Variants in PDE10A observed in about 807,000 individuals in gnomAD.
PDE10A encodes phosphodiesterase 10A.
A neutral mutation model predicts 97.7 loss-of-function variants in PDE10A; 39 were observed. That is an observed-to-expected ratio of 0.40 (90% CI 0.31 to 0.52). The LOEUF is 0.52. Among genes scored for constraint, PDE10A ranks in the 20% least tolerant of loss-of-function variants. The pLI is 0.56. For missense variants in PDE10A, 731 were observed against 1,047.8 expected, an observed-to-expected ratio of 0.70 and a Z score of 4.17; for synonymous variants, 371 against 376.8, an observed-to-expected ratio of 0.98 and a Z score of 0.18.
At chr6:165,374,093 G>A (rs1388131239) in intron 18 of PDE10A, among the ~76,000 whole-genome samples, 1 of 107,022 alleles carries the variant, frequency 9.3e-6, no homozygotes, top group Non-Finnish European at 1.8e-5. Context: ...GGTGGGGGGA[G>A]GGGGGAGGGA....
chr6:165,459,522 T>TAGATAGACAGAC (rs1218763848), intron 3 of PDE10A, among the ~76,000 whole-genome samples: 2 of 106,118 alleles, frequency 1.9e-5, no homozygotes, highest in Non-Finnish European at 2.2e-5. Context: ...GATAGATAGA[T>TAGATAGACAGAC]AGACAGACAG....
At chr6:165,825,218 C>A (rs377490384) in intron 1 of PDE10A, among the ~76,000 whole-genome samples, 1 of 151,726 alleles carries the variant, frequency 6.6e-6, no homozygotes, top group African/African-American at 2.4e-5. Context: ...GGTGAGCTCC[C>A]GTTCCTGATG....
At chr6:165,665,951 G>A (rs1462215935), upstream of PDE10A, among the ~76,000 whole-genome samples, 1 of 152,076 alleles carries the variant, frequency 6.6e-6, no homozygotes, top group African/African-American at 2.4e-5. Flanking sequence ...TAGTATTTAT[G>A]CCTCACATTT....
intron 2 of PDE10A, among the ~76,000 whole-genome samples, chr6:165,509,396 A>C (rs1436568543): frequency 1.3e-5 from 2 of 151,946 alleles, no homozygotes; most frequent in Non-Finnish European, 2.9e-5. Flanking sequence ...GGCTATAAAC[A>C]TGTGAAATTA....
chr6:165,724,818 T>C (rs80013493), intron 1 of PDE10A, among the ~76,000 whole-genome samples: 3,291 of 152,250 alleles, frequency 0.022, 106 homozygotes, highest in African/African-American at 0.075. Context: ...CTCCTGACCA[T>C]TTATGGCAGC....
chr6:165,782,189 G>A (rs909839077), intron 1 of PDE10A, among the ~76,000 whole-genome samples: 2 of 152,240 alleles, frequency 1.3e-5, no homozygotes, highest in Non-Finnish European at 2.9e-5. Flanking sequence ...GTGTAGCTCA[G>A]TAAAAGGACG....
chr6:165,379,487 T>G, intron 17 of PDE10A, 121 bp from the exon 18 acceptor site: 1 of 728,742 alleles, frequency 1.4e-6, no homozygotes, highest in Non-Finnish European at 2.1e-6. Flanking sequence ...ATGAAAGGTT[T>G]TGGGGTAACT....
chr6:165,362,496 C>T (rs1783485915), intron 18 of PDE10A, among the ~76,000 whole-genome samples: 1 of 151,962 alleles, frequency 6.6e-6, no homozygotes, highest in South Asian at 2.1e-4. Flanking sequence ...ACACAAGTGA[C>T]TAAATATGAC....
intron 1 of PDE10A, among the ~76,000 whole-genome samples, chr6:165,917,415 G>T (rs1782637930): frequency 6.6e-6 from 1 of 152,152 alleles, no homozygotes; most frequent in South Asian, 2.1e-4. Context: ...GCTGGACAAG[G>T]TTGGGATCCT....
At chr6:165,928,278 C>G in intron 1 of PDE10A, among the ~76,000 whole-genome samples, 1 of 152,074 alleles carries the variant, frequency 6.6e-6, no homozygotes, top group East Asian at 1.9e-4. Flanking sequence ...TTAAAGTTAC[C>G]TTGCATAAGA....
chr6:165,416,622 C>A (rs191668242), intron 11 of PDE10A, among the ~76,000 whole-genome samples: 5 of 152,234 alleles, frequency 3.3e-5, no homozygotes, highest in Admixed American at 2.6e-4. Flanking sequence ...TTAGTGGATT[C>A]TCAATGAGGT....
At chr6:165,421,309 A>T (rs1214020001) in intron 10 of PDE10A, among the ~76,000 whole-genome samples, 1 of 152,004 alleles carries the variant, frequency 6.6e-6, no homozygotes, top group African/African-American at 2.4e-5. Context: ...CAGGCATGGC[A>T]GCATGCATCT....
At position 165,343,324 on chromosome 6, in the gene PDE10A, T is replaced by C. The variant is rs1475284101; in HGVS notation, c.2895+67A>G. On this transcript the variant is annotated intron_variant, in intron 19 of 21. Coordinates refer to ENST00000539869, the MANE Select transcript of PDE10A (RefSeq NM_001385079.1). ...ATCAACATGAACAACTAAAGTATTC[T>C]TAGCAATTGATCCATACGTTTTATT... is the stretch of plus-strand genomic sequence containing the variant. 51 of 1,079,452 alleles carry C rather than the reference T, an allele frequency of 4.7e-5. 2 individuals carry two copies. The South Asian group carries it at 5.2e-4, about 11-fold the overall frequency. The allele number at this position is 1,079,452 out of a possible 1,614,324, so 66.9% of individuals were successfully genotyped here.
intron 1 of PDE10A, among the ~76,000 whole-genome samples, chr6:165,826,774 TG>T (rs1057417759): frequency 1.9e-5 from 1 of 52,090 alleles, no homozygotes; most frequent in Non-Finnish European, 4.1e-5. Flanking sequence ...GATGTGCGGT[TG>T]GGAGGGGGGA....
chr6:165,788,606 G>T (rs1271423171), intron 1 of PDE10A, among the ~76,000 whole-genome samples: 3 of 149,800 alleles, frequency 2.0e-5, no homozygotes, highest in Non-Finnish European at 4.4e-5. Flanking sequence ...TATTTTCTCA[G>T]CTTCTGTTAG....
intron 1 of PDE10A, among the ~76,000 whole-genome samples, chr6:165,839,935 T>A (rs1428241619): frequency 3.3e-5 from 1 of 30,614 alleles, no homozygotes; most frequent in Non-Finnish European, 8.0e-5. Flanking sequence ...ATCTCCATTC[T>A]TATCTTCATT....
At chr6:165,505,826 A>G (rs556902371) in intron 2 of PDE10A, among the ~76,000 whole-genome samples, 2 of 152,314 alleles carry the variant, frequency 1.3e-5, no homozygotes, top group African/African-American at 2.4e-5. Flanking sequence ...ATCAGGCTAC[A>G]GATTGGTTGC....
intron 13 of PDE10A, among the ~76,000 whole-genome samples, chr6:165,409,153 A>C (rs1206314579): frequency 8.0e-6 from 1 of 124,312 alleles, no homozygotes; most frequent in Non-Finnish European, 1.7e-5. Flanking sequence ...CGACAGGGTG[A>C]GACTCCATCT....
At chr6:165,504,876 G>C (rs113794762) in intron 2 of PDE10A, among the ~76,000 whole-genome samples, 1 of 152,036 alleles carries the variant, frequency 6.6e-6, no homozygotes, top group Non-Finnish European at 1.5e-5. Flanking sequence ...TCAGATTTCC[G>C]AGCATCTTAT....
Sources: allele counts gnomAD v4.1 joint callset (sites outside exome capture counted in the v4.1 genomes callset), GRCh38; gene constraint gnomAD v4.1.1; transcripts MANE v1.5; gene names NCBI Gene and HGNC (gene_info 2026-07-23, HGNC 2026-07-21).